EPHA6: variants seen among roughly 807,000 people sequenced by gnomAD.
EPHA6 encodes the protein ephrin type-A receptor 6.
In EPHA6, 50 loss-of-function variants were observed where a neutral mutation model predicts 112.0. The ratio of observed to expected loss-of-function variants is 0.45; its 90% CI spans 0.36 to 0.56. The LOEUF (loss-of-function observed/expected upper bound fraction) is 0.56, where lower values mean the gene tolerates loss of function less well. Among genes scored for constraint, EPHA6 ranks in the 20% least tolerant of loss-of-function variants. The probability of loss-of-function intolerance (pLI) is 0.00; values close to 1 mark genes in which losing one functional copy is unlikely to be tolerated. For synonymous variants in EPHA6, 529 were observed against 490.7 expected, an observed-to-expected ratio of 1.08 and a Z score of -1.03; for missense variants, 1,280 against 1,417.4, an observed-to-expected ratio of 0.90 and a Z score of 1.56.
At chr3:97,628,930 C>T (rs1162023905) in intron 13 of EPHA6, among the ~76,000 whole-genome samples, 1 of 151,742 alleles carries the variant, frequency 6.6e-6, no homozygotes, top group African/African-American at 2.4e-5. Flanking sequence ...CCACCAATAA[C>T]TATTTGTTTG....
chr3:97,598,659 C>G (rs1190014956), intron 12 of EPHA6, among the ~76,000 whole-genome samples: 1 of 151,800 alleles, frequency 6.6e-6, no homozygotes, highest in African/African-American at 2.4e-5. Context: ...TTAATCCAGT[C>G]TATCATTGTT....
At chr3:97,560,276 T>C (rs2093170537) in intron 11 of EPHA6, among the ~76,000 whole-genome samples, 1 of 151,936 alleles carries the variant, frequency 6.6e-6, no homozygotes, top group Non-Finnish European at 1.5e-5. Flanking sequence ...GAACGATTGA[T>C]TTAAATCAGA....
intron 3 of EPHA6, among the ~76,000 whole-genome samples, chr3:97,174,614 A>G (rs998763131): frequency 1.3e-5 from 2 of 151,890 alleles, no homozygotes; most frequent in Non-Finnish European, 2.9e-5. Flanking sequence ...ATGATATCTC[A>G]TAGTAGTTTT....
intron 3 of EPHA6, among the ~76,000 whole-genome samples, chr3:97,202,352 C>CTT (rs879296495): frequency 5.6e-5 from 8 of 143,672 alleles, no homozygotes; most frequent in African/African-American, 1.0e-4. Context: ...ATATTAAAAT[C>CTT]TTTTTTTTTT....
intron 3 of EPHA6, among the ~76,000 whole-genome samples, chr3:97,203,371 G>A (rs1050225160): frequency 6.6e-6 from 1 of 152,072 alleles, no homozygotes; most frequent in Non-Finnish European, 1.5e-5. Context: ...AACTCACATA[G>A]CGATTTGCCT....
In EPHA6 at chr3:97,181,354, C is replaced by T. The variant is rs141472259; in HGVS notation, c.1115-44910C>T. Among the ~76,000 whole-genome samples, 360 of 152,020 alleles carry T rather than the reference C, an allele frequency of 2.4e-3. 2 individuals carry two copies. Among genetic ancestry groups the T allele is most frequent in the African/African-American group, 8.2e-3 (341 of 41,496 alleles). The stretch of plus-strand genomic sequence containing the variant: ...ATGAGTGGTCACCTGATTTTTGGTT[C>T]TTATGAAGGTGTTTTTTCTCTGTAG... On this transcript the variant is annotated intron_variant, in intron 3 of 17. Coordinates refer to ENST00000389672, the MANE Select transcript of EPHA6 (RefSeq NM_001080448.3).
chr3:97,380,049 G>A (rs1217875169), intron 5 of EPHA6, among the ~76,000 whole-genome samples: 2 of 152,224 alleles, frequency 1.3e-5, no homozygotes, highest in Non-Finnish European at 2.9e-5. Flanking sequence ...ATGGGAGATA[G>A]AGAACAATTC....
intron 3 of EPHA6, among the ~76,000 whole-genome samples, chr3:97,106,081 T>C (rs986878548): frequency 6.6e-6 from 1 of 152,052 alleles, no homozygotes; most frequent in Non-Finnish European, 1.5e-5. Flanking sequence ...CAGGATACCA[T>C]TGGGAACTAG....
At chr3:97,744,976 T>A (rs1196644465) in intron 16 of EPHA6, among the ~76,000 whole-genome samples, 1 of 152,016 alleles carries the variant, frequency 6.6e-6, no homozygotes, top group Non-Finnish European at 1.5e-5. Context: ...AACATGTGGT[T>A]TTATTTATGT....
intron 3 of EPHA6, among the ~76,000 whole-genome samples, chr3:97,221,038 GGGTGCAGT>G (rs781075300): frequency 2.3e-4 from 35 of 152,118 alleles, no homozygotes; most frequent in Non-Finnish European, 4.4e-4. Context: ...AATGCAGGCT[GGGTGCAGT>G]GGCTCATGCC....
intron 7 of EPHA6, among the ~76,000 whole-genome samples, chr3:97,456,517 C>G (rs2090691369): frequency 6.6e-6 from 1 of 152,110 alleles, no homozygotes; most frequent in Non-Finnish European, 1.5e-5. Flanking sequence ...CCAATAAATA[C>G]ACAATACTCA....
rs779111434 is a variant in EPHA6, at chr3:97,754,833, A to G, written c.*6132A>G. Among the ~76,000 whole-genome samples, 2 of 152,162 alleles carry G rather than the reference A, an allele frequency of 1.3e-5. No homozygotes were observed. The highest frequency in any genetic ancestry group is 2.9e-5 in the Non-Finnish European group (2 of 68,026). ...ATTCTCCTGCCTCAGTCTCCAGAGT[A>G]GCTGGAACTACAGGCGTCCGTCACC... On this transcript the variant is annotated 3_prime_UTR_variant, in exon 18 of 18. Transcript: ENST00000389672.
chr3:97,417,932 C>A (rs1398871903), intron 6 of EPHA6, among the ~76,000 whole-genome samples: 1 of 151,962 alleles, frequency 6.6e-6, no homozygotes, highest in African/African-American at 2.4e-5. Context: ...CAATCAAAGA[C>A]TACCAATTAC....
chr3:97,349,303 A>G (rs1448348378), intron 5 of EPHA6, among the ~76,000 whole-genome samples: 3 of 152,106 alleles, frequency 2.0e-5, no homozygotes, highest in Non-Finnish European at 4.4e-5. Flanking sequence ...AAAGTAAAAA[A>G]AGAAAATCAG....
rs572316942 is a variant in EPHA6, at chr3:97,739,732, G to A, written c.3128+3614G>A. Among the ~76,000 whole-genome samples, 199 of 152,216 alleles carry A rather than the reference G, an allele frequency of 1.3e-3. 1 individual carries two copies. Among genetic ancestry groups the A allele is most frequent in the African/African-American group, 4.7e-3 (196 of 41,566 alleles). On this transcript the variant is annotated intron_variant, in intron 16 of 17. Coordinates refer to ENST00000389672, the MANE Select transcript of EPHA6 (RefSeq NM_001080448.3). ...TGCTTTCTCTCCTACTCAAGAAAGTGTAGATATACCATATAAGTGAATGTG... is the reference window on the plus strand; with the variant it reads ...TGCTTTCTCTCCTACTCAAGAAAGTATAGATATACCATATAAGTGAATGTG...
chr3:97,003,763 C>A (rs1394879680), intron 3 of EPHA6, among the ~76,000 whole-genome samples: 2 of 151,680 alleles, frequency 1.3e-5, no homozygotes, highest in Admixed American at 1.3e-4. Context: ...CCCCTATTGA[C>A]CCGTCCTCTA....
At chr3:97,499,430 T>C (rs1351602854) in intron 10 of EPHA6, among the ~76,000 whole-genome samples, 2 of 152,184 alleles carry the variant, frequency 1.3e-5, no homozygotes, top group Non-Finnish European at 2.9e-5. Context: ...ATACAAAACA[T>C]ACAAACAGCA....
intron 6 of EPHA6, among the ~76,000 whole-genome samples, chr3:97,429,379 T>C (rs1297345519): frequency 1.3e-5 from 2 of 151,968 alleles, no homozygotes; most frequent in Admixed American, 6.6e-5. Flanking sequence ...GTGAATCCCT[T>C]AAATTTCTTT....
chr3:97,500,301 G>A (rs1236172095), intron 10 of EPHA6, among the ~76,000 whole-genome samples: 2 of 151,884 alleles, frequency 1.3e-5, no homozygotes, highest in East Asian at 1.9e-4. Flanking sequence ...TTTAAAAAAA[G>A]AGGTTTAATT....
Sources: gnomAD v4.1 joint callset for allele counts (sites outside exome capture counted in the v4.1 genomes callset) on GRCh38, gnomAD v4.1.1 for gene constraint, MANE v1.5 for transcripts, NCBI Gene and HGNC (gene_info 2026-07-23, HGNC 2026-07-21) for gene names.